The following SHB variants were observed in gnomAD, a reference collection of about 807,000 sequenced individuals.
The protein encoded by SHB is SH2 domain-containing adapter protein B.
A neutral mutation model predicts 52.3 loss-of-function variants in SHB; 20 were observed. That is an observed-to-expected ratio of 0.38 (90% confidence interval 0.27 to 0.56). The LOEUF (loss-of-function observed/expected upper bound fraction) is 0.56. Among genes scored for constraint, SHB ranks in the 20% least tolerant of loss-of-function variants. The pLI is 0.71. For missense variants in SHB, 825 were observed against 723.3 expected (o/e 1.14, Z -1.61); for synonymous variants, 397 against 316.5 (o/e 1.25, Z -2.70).
At chr9:38,021,399 T>C (rs1268832662) in intron 1 of SHB, among the ~76,000 whole-genome samples, 1 of 152,002 alleles carries the variant, frequency 6.6e-6, no homozygotes, top group African/African-American at 2.4e-5. Flanking sequence ...CTCACACCTG[T>C]AGTCCCAGCA....
chr9:38,009,527 CA>C (rs1235371158), intron 2 of SHB, among the ~76,000 whole-genome samples: 3 of 152,236 alleles, frequency 2.0e-5, no homozygotes, highest in South Asian at 2.1e-4. Flanking sequence ...AGGGCAGAGC[CA>C]GGGGCAGAGC....
At chr9:37,988,415 A>T (rs1250556250) in intron 2 of SHB, among the ~76,000 whole-genome samples, 2 of 152,066 alleles carry the variant, frequency 1.3e-5, no homozygotes, top group East Asian at 3.9e-4. Flanking sequence ...GGATATTCAC[A>T]CCGGCTTCTT....
intron 3 of SHB, among the ~76,000 whole-genome samples, chr9:37,972,442 G>GA (rs1820601145): frequency 6.6e-6 from 1 of 152,214 alleles, no homozygotes; most frequent in Non-Finnish European, 1.5e-5. Flanking sequence ...TCTCGGCCAG[G>GA]GGCTGGGGCT....
chr9:38,068,625 C>T lies in SHB; in HGVS notation c.21G>A (p.Lys7=). Residue 7 remains lysine, a synonymous_variant, in exon 1 of 6, where the codon AAG becomes AAA. Coordinates refer to ENST00000377707, the MANE Select transcript of SHB (RefSeq NM_003028.3). The part of the protein sequence containing the change: MAKWLN[K]YFSLGNSKTK... ...TCTTGCTGTTGCCCAAGCTGAAGTA[C>T]TTGTTTAGCCACTTGGCCATGGCGA... The T allele has an allele frequency of 6.8e-7, 1 of 1,475,556 alleles. No homozygotes were observed. The highest frequency in any genetic ancestry group is 8.9e-7 in the Non-Finnish European group (1 of 1,122,960). The allele number at this position is 1,475,556 out of a possible 1,614,324, so 91.4% of individuals were successfully genotyped here.
At chr9:37,939,578 T>TC (rs2117864289) in intron 5 of SHB, among the ~76,000 whole-genome samples, 1 of 152,210 alleles carries the variant, frequency 6.6e-6, no homozygotes, top group East Asian at 1.9e-4. Flanking sequence ...GGGAAAGGGG[T>TC]CTGAGAAATG....
At chr9:37,962,804 T>C (rs7033327) in intron 3 of SHB, among the ~76,000 whole-genome samples, 88,321 of 151,506 alleles carry the variant, frequency 0.58, 25,948 homozygotes, top group East Asian at 0.82. Flanking sequence ...GGAGCCACTA[T>C]GCCTGGCCTA....
At chr9:38,020,438 C>A (rs1478362345) in intron 1 of SHB, among the ~76,000 whole-genome samples, 3 of 152,226 alleles carry the variant, frequency 2.0e-5, no homozygotes, top group African/African-American at 7.2e-5. Flanking sequence ...AGACAAGCCT[C>A]CAGATATTAC....
intron 2 of SHB, among the ~76,000 whole-genome samples, chr9:37,993,940 G>C (rs1820914891): frequency 6.6e-6 from 1 of 152,182 alleles, no homozygotes; most frequent in Non-Finnish European, 1.5e-5. Flanking sequence ...CTGAAGCTGA[G>C]ACCCAGGACG....
chr9:37,994,751 A>T (rs1820927210), intron 2 of SHB, among the ~76,000 whole-genome samples: 1 of 152,262 alleles, frequency 6.6e-6, no homozygotes, highest in Non-Finnish European at 1.5e-5. Context: ...CATCTGGTAT[A>T]AATGACTCAC....
At chr9:37,938,936 G>A (rs1336790673) in intron 5 of SHB, among the ~76,000 whole-genome samples, 1 of 152,136 alleles carries the variant, frequency 6.6e-6, no homozygotes, top group African/African-American at 2.4e-5. Flanking sequence ...CTGTTTTCCT[G>A]GTCTTTTCCA....
chr9:37,961,494 A>G (rs1248784349), intron 3 of SHB, among the ~76,000 whole-genome samples: 2 of 152,086 alleles, frequency 1.3e-5, no homozygotes, highest in Non-Finnish European at 2.9e-5. Context: ...CAAAGGACAA[A>G]TTCATTCTGG....
intron 1 of SHB, among the ~76,000 whole-genome samples, chr9:38,044,027 C>T (rs543816098): frequency 2.6e-5 from 4 of 152,370 alleles, no homozygotes; most frequent in South Asian, 2.1e-4. Context: ...CCTGGAGAAG[C>T]GGGCATGCCC....
intron 1 of SHB, among the ~76,000 whole-genome samples, chr9:38,025,297 G>C (rs1424096585): frequency 6.6e-6 from 1 of 151,992 alleles, no homozygotes; most frequent in Non-Finnish European, 1.5e-5. Flanking sequence ...CTCCTACTTG[G>C]CTCTGCTCAG....
At chr9:37,949,135 C>T (rs112250942) in intron 4 of SHB, among the ~76,000 whole-genome samples, 5 of 152,288 alleles carry the variant, frequency 3.3e-5, no homozygotes, top group African/African-American at 1.2e-4. Context: ...GTGGCTCACG[C>T]CTGTAATCCC....
intron 2 of SHB, among the ~76,000 whole-genome samples, chr9:37,981,222 T>A (rs577159694): frequency 1.3e-5 from 2 of 152,258 alleles, no homozygotes; most frequent in African/African-American, 2.4e-5. Flanking sequence ...GAAAATCTGT[T>A]GTTTTGCATA....
At chr9:37,929,634 C>T (rs1398652978) in intron 5 of SHB, among the ~76,000 whole-genome samples, 1 of 152,228 alleles carries the variant, frequency 6.6e-6, no homozygotes, top group Non-Finnish European at 1.5e-5. Context: ...GCAGGAGCGT[C>T]TCCTCCAGTT....
At chr9:37,953,874 T>G (rs991100270) in intron 4 of SHB, among the ~76,000 whole-genome samples, 3 of 151,972 alleles carry the variant, frequency 2.0e-5, no homozygotes, top group Non-Finnish European at 4.4e-5. Flanking sequence ...TCTTGGGGAG[T>G]TAATCGTGGG....
chr9:38,000,120 G>A (rs914676703), intron 2 of SHB, among the ~76,000 whole-genome samples: 5 of 152,188 alleles, frequency 3.3e-5, no homozygotes, highest in Admixed American at 1.3e-4. Flanking sequence ...ACAACAGAAC[G>A]GATGTCCATC....
At chr9:37,954,969 G>C (rs972284845) in intron 4 of SHB, among the ~76,000 whole-genome samples, 19 of 152,122 alleles carry the variant, frequency 1.2e-4, no homozygotes, top group Admixed American at 1.2e-3. Context: ...TGGGACCTTG[G>C]GGGCAGCATG....
Sources: allele counts gnomAD v4.1 joint callset (sites outside exome capture counted in the v4.1 genomes callset), GRCh38; gene constraint gnomAD v4.1.1; transcripts MANE v1.5; gene names NCBI Gene and HGNC (gene_info 2026-07-23, HGNC 2026-07-21).